NEK1: variants seen among roughly 807,000 people sequenced by gnomAD.
The protein encoded by NEK1 is NIMA related kinase 1.
Under a neutral mutation model 182.1 loss-of-function variants are expected in NEK1, and 137 were observed. The observed-to-expected ratio is 0.75, with a 90% CI of 0.65 to 0.87. The LOEUF (loss-of-function observed/expected upper bound fraction) is 0.87, where lower values mean the gene tolerates loss of function less well. Ranked by LOEUF, NEK1 falls within the 40% of genes least tolerant of loss-of-function variation. The pLI is 0.00. For synonymous variants in NEK1, 513 were observed against 492.2 expected (o/e 1.04, Z -0.56); for missense variants, 1,391 against 1,494.4 (o/e 0.93, Z 1.14).
At chr4:169,447,332 T>G (rs989328370) in intron 27 of NEK1, among the ~76,000 whole-genome samples, 1 of 151,914 alleles carries the variant, frequency 6.6e-6, no homozygotes, top group Non-Finnish European at 1.5e-5. Flanking sequence ...TCAAACATAA[T>G]GAAGAAATAA....
At chr4:169,540,871 CTT>C (rs1187231067) in intron 18 of NEK1, among the ~76,000 whole-genome samples, 1 of 143,524 alleles carries the variant, frequency 7.0e-6, no homozygotes. Flanking sequence ...ACAAACTTTC[CTT>C]TTTTTTTTTA....
chr4:169,488,017 C>T (rs1290221944), intron 23 of NEK1, among the ~76,000 whole-genome samples: 2 of 151,656 alleles, frequency 1.3e-5, no homozygotes, highest in African/African-American at 2.4e-5. Context: ...TAAAAATGGA[C>T]ATTTTTGTTT....
chr4:169,495,239 C>CTTTTTTTT, intron 23 of NEK1, among the ~76,000 whole-genome samples: 1 of 105,450 alleles, frequency 9.5e-6, no homozygotes, highest in Non-Finnish European at 1.9e-5. Flanking sequence ...ACATTTAAGT[C>CTTTTTTTT]TTTTTTTTTT....
intron 23 of NEK1, among the ~76,000 whole-genome samples, chr4:169,483,175 A>T (rs1377580981): frequency 1.3e-5 from 2 of 152,218 alleles, no homozygotes; most frequent in Non-Finnish European, 2.9e-5. Context: ...AGATCTGAGG[A>T]GTGAGACAGG....
At chr4:169,586,556 G>A (rs1767566046) in intron 9 of NEK1, among the ~76,000 whole-genome samples, 1 of 152,018 alleles carries the variant, frequency 6.6e-6, no homozygotes, top group Non-Finnish European at 1.5e-5. Context: ...AAGAGATGGT[G>A]ACAGAACAAT....
chr4:169,468,234 C>T lies in NEK1; in HGVS notation c.2435-4839G>A, dbSNP rs375804109. On this transcript the variant is annotated intron_variant, in intron 26 of 35. Coordinates refer to ENST00000507142, the MANE Select transcript of NEK1 (RefSeq NM_001199397.3). ...GAAGCCAGACATAAAAGAATACAAACGATTAGAGTCTGTTTATATGATATT... is the reference window on the plus strand; with the variant it reads ...GAAGCCAGACATAAAAGAATACAAATGATTAGAGTCTGTTTATATGATATT... Among the ~76,000 whole-genome samples the T allele has an allele frequency of 8.0e-4, 122 of 151,838 alleles. No homozygotes were observed. In the South Asian group the frequency reaches 0.013, roughly 17 times the overall value.
chr4:169,473,828 G>C (rs1409912453), intron 26 of NEK1, among the ~76,000 whole-genome samples: 1 of 152,110 alleles, frequency 6.6e-6, no homozygotes, highest in Non-Finnish European at 1.5e-5. Flanking sequence ...CGTGCGTGTG[G>C]GTATGGACAA....
intron 28 of NEK1, 146 bp downstream of exon 28, chr4:169,437,937 C>A (rs1738726912): frequency 4.9e-6 from 3 of 608,756 alleles, no homozygotes; most frequent in Admixed American, 6.8e-5. Flanking sequence ...AAAAAAAAGA[C>A]CAATAGCTAA....
At chr4:169,506,862 G>A (rs1285034240) in intron 23 of NEK1, 175 bp downstream of exon 23, 3 of 359,378 alleles carry the variant, frequency 8.3e-6, no homozygotes, top group Non-Finnish European at 1.5e-5. Context: ...TCTTAAATGC[G>A]AGAGAGACAG....
intron 23 of NEK1, among the ~76,000 whole-genome samples, chr4:169,503,382 C>A (rs941868220): frequency 2.6e-5 from 4 of 151,858 alleles, no homozygotes; most frequent in Admixed American, 2.6e-4. Flanking sequence ...ACCTAAAATT[C>A]ATATAGAACC....
Position 169,576,909 on chromosome 4 carries a change from G to T in NEK1, c.1020+19C>A. 2 of 1,576,364 alleles carry T rather than the reference G, an allele frequency of 1.3e-6. No individual in the cohort carries two copies. Among genetic ancestry groups the T allele is most frequent in the Non-Finnish European group, 1.7e-6 (2 of 1,159,720 alleles). On this transcript the variant is annotated intron_variant, in intron 12 of 35. Transcript: ENST00000507142. ...GAATTGAATTTGTTATTAACACATGGTATGTAACATGATCATACCTGTTTA... is the reference window on the plus strand; with the variant it reads ...GAATTGAATTTGTTATTAACACATGTTATGTAACATGATCATACCTGTTTA...
At chr4:169,611,343 T>C (rs1303450750) in intron 2 of NEK1, among the ~76,000 whole-genome samples, 1 of 152,180 alleles carries the variant, frequency 6.6e-6, no homozygotes, top group Non-Finnish European at 1.5e-5. Flanking sequence ...GTGAAACAGA[T>C]CTGTAGAACC....
At chr4:169,543,301 T>A (rs1017162650) in intron 18 of NEK1, among the ~76,000 whole-genome samples, 2 of 152,228 alleles carry the variant, frequency 1.3e-5, no homozygotes, top group Admixed American at 1.3e-4. Context: ...GTTGTAGATG[T>A]GTGGCATTAT....
intron 4 of NEK1, among the ~76,000 whole-genome samples, chr4:169,601,407 CCTTAT>C (rs1053585759): frequency 9.9e-5 from 15 of 152,098 alleles, no homozygotes; most frequent in African/African-American, 3.6e-4. Flanking sequence ...AGAAGCTTTG[CCTTAT>C]CTTAATACCT....
At chr4:169,541,756 C>T (rs1165623017) in intron 18 of NEK1, among the ~76,000 whole-genome samples, 1 of 152,118 alleles carries the variant, frequency 6.6e-6, no homozygotes, top group Non-Finnish European at 1.5e-5. Context: ...ATTAACTAGT[C>T]CAAGTTTTCA....
chr4:169,440,691 T>C (rs1166725264), intron 27 of NEK1, among the ~76,000 whole-genome samples: 2 of 152,226 alleles, frequency 1.3e-5, no homozygotes, highest in African/African-American at 4.8e-5. Flanking sequence ...ACACCACAGA[T>C]TGACCTGCCT....
intron 2 of NEK1, among the ~76,000 whole-genome samples, chr4:169,604,476 GC>G (rs1449085714): frequency 6.6e-5 from 10 of 152,130 alleles, no homozygotes; most frequent in Non-Finnish European, 1.3e-4. Flanking sequence ...AATTCACCTA[GC>G]TTGCTCTTTT....
rs186083244 is a variant in NEK1, at chr4:169,507,749, G to T, written c.1877C>A (p.Ala626Asp). 1.9e-6 allele frequency: 3 copies of T among 1,612,954 alleles called. No individual in the cohort carries two copies. In the African/African-American group the frequency reaches 4.0e-5, roughly 22 times the overall value. The change falls in exon 22 of 36, where the codon GCT becomes GAT. Residue 626 changes from alanine to aspartate, a missense_variant. By Grantham distance (126) the Ala-to-Asp change is moderately radical. Transcript: ENST00000507142. ...TTCGATTTTTTTGCGCCTCATGTCA[G>T]CCTCTTCACTTCCTTCTTGTCCTTC... ...HSEGQEGSEE[A>D]DMRRKKIESL...
At chr4:169,594,332 T>C (rs1322274868) in intron 5 of NEK1, among the ~76,000 whole-genome samples, 2 of 152,206 alleles carry the variant, frequency 1.3e-5, no homozygotes, top group Non-Finnish European at 2.9e-5. Flanking sequence ...GATGGGTTTA[T>C]GCATTAATTT....
Sources: allele counts gnomAD v4.1 joint callset (sites outside exome capture counted in the v4.1 genomes callset), GRCh38; gene constraint gnomAD v4.1.1; transcripts MANE v1.5; gene names NCBI Gene and HGNC (gene_info 2026-07-23, HGNC 2026-07-21).